KCNH7: variants seen among roughly 807,000 people sequenced by gnomAD.
The protein encoded by KCNH7 is voltage-gated inwardly rectifying potassium channel KCNH7.
Under a neutral mutation model 120.8 loss-of-function variants are expected in KCNH7, and 49 were observed. That is an observed-to-expected ratio of 0.41 (90% CI 0.32 to 0.51). The LOEUF is 0.51. Ranked by LOEUF, KCNH7 falls within the 20% of genes least tolerant of loss-of-function variation. KCNH7 has a pLI of 0.38. For missense variants in KCNH7, 1,097 were observed against 1,446.6 expected, an observed-to-expected ratio of 0.76 and a Z score of 3.92; for synonymous variants, 547 against 516.1, an observed-to-expected ratio of 1.06 and a Z score of -0.81.
At chr2:162,527,438 T>C (rs1270990243) in intron 3 of KCNH7, among the ~76,000 whole-genome samples, 1 of 151,980 alleles carries the variant, frequency 6.6e-6, no homozygotes, top group Non-Finnish European at 1.5e-5. Context: ...AAAAGCCCTC[T>C]TATAAACCAG....
intron 6 of KCNH7, among the ~76,000 whole-genome samples, chr2:162,475,457 C>G (rs1247413848): frequency 1.3e-5 from 2 of 152,164 alleles, no homozygotes; most frequent in Non-Finnish European, 2.9e-5. Context: ...CCAAATTGTC[C>G]CTTGCTCTGG....
chr2:162,610,240 G>A (rs1682921551), intron 2 of KCNH7, among the ~76,000 whole-genome samples: 1 of 152,144 alleles, frequency 6.6e-6, no homozygotes, highest in African/African-American at 2.4e-5. Context: ...TGGAGAATGG[G>A]CAGGCAAGCC....
intron 2 of KCNH7, among the ~76,000 whole-genome samples, chr2:162,734,395 G>T (rs939852723): frequency 1.3e-5 from 2 of 152,014 alleles, no homozygotes; most frequent in African/African-American, 4.8e-5. Context: ...TTTTTAATGA[G>T]AAATTATAGT....
intron 6 of KCNH7, among the ~76,000 whole-genome samples, chr2:162,504,079 T>A (rs1167811033): frequency 6.6e-6 from 1 of 151,952 alleles, no homozygotes; most frequent in Non-Finnish European, 1.5e-5. Context: ...TGCTAATTAG[T>A]CCCCTAAAGC....
At chr2:162,789,779 A>T (rs1352522772) in intron 2 of KCNH7, among the ~76,000 whole-genome samples, 3 of 152,040 alleles carry the variant, frequency 2.0e-5, no homozygotes, top group Non-Finnish European at 4.4e-5. Context: ...AGAAGAAAGC[A>T]AAAGAGAAAA....
chr2:162,372,785 A>G (rs1686004474), intron 15 of KCNH7, among the ~76,000 whole-genome samples: 1 of 152,172 alleles, frequency 6.6e-6, no homozygotes, highest in Admixed American at 6.6e-5. Context: ...TTAACTAATT[A>G]AGACTAATTC....
chr2:162,819,848 C>T (rs145629823), intron 2 of KCNH7, among the ~76,000 whole-genome samples: 244 of 152,076 alleles, frequency 1.6e-3, no homozygotes, highest in Non-Finnish European at 3.1e-3. Context: ...CGAATGAAAG[C>T]CTATTTGCTG....
chr2:162,775,210 T>A (rs972675234), intron 2 of KCNH7, among the ~76,000 whole-genome samples: 11 of 152,120 alleles, frequency 7.2e-5, no homozygotes, highest in Non-Finnish European at 1.6e-4. Context: ...TAAAAAAAAA[T>A]TATCTGATTG....
intron 2 of KCNH7, among the ~76,000 whole-genome samples, chr2:162,579,514 A>G (rs1693803525): frequency 6.6e-6 from 1 of 151,928 alleles, no homozygotes; most frequent in Admixed American, 6.6e-5. Flanking sequence ...TAGGTTGGAG[A>G]CTCGTTAACC....
intron 6 of KCNH7, among the ~76,000 whole-genome samples, chr2:162,485,251 T>A (rs548820314): frequency 2.0e-5 from 3 of 152,170 alleles, no homozygotes; most frequent in Non-Finnish European, 4.4e-5. Flanking sequence ...GGAATCTACA[T>A]GAGAAACATA....
chr2:162,493,914 A>T (rs1690409017), intron 6 of KCNH7, among the ~76,000 whole-genome samples: 1 of 152,198 alleles, frequency 6.6e-6, no homozygotes, highest in African/African-American at 2.4e-5. Flanking sequence ...CTTGCAAAAG[A>T]AATTCTGTGT....
chr2:162,807,540 T>C (rs1684593526), intron 2 of KCNH7, among the ~76,000 whole-genome samples: 1 of 152,138 alleles, frequency 6.6e-6, no homozygotes, highest in Admixed American at 6.5e-5. Context: ...TTGTGGCTTT[T>C]TTGTATTTGA....
chr2:162,591,943 C>T (rs1288216862), intron 2 of KCNH7, among the ~76,000 whole-genome samples: 1 of 152,000 alleles, frequency 6.6e-6, no homozygotes, highest in African/African-American at 2.4e-5. Context: ...CAGTTAGTAA[C>T]TTTCTGAGAA....
At chr2:162,486,185 C>T (rs943902813) in intron 6 of KCNH7, among the ~76,000 whole-genome samples, 2 of 152,116 alleles carry the variant, frequency 1.3e-5, no homozygotes, top group Admixed American at 6.6e-5. Flanking sequence ...ACACCATAGG[C>T]CACTTCACCT....
intron 2 of KCNH7, among the ~76,000 whole-genome samples, chr2:162,570,410 G>A (rs1693426168): frequency 6.6e-6 from 1 of 151,312 alleles, no homozygotes. Context: ...CTTTTATTTT[G>A]AGCCTATGTG....
intron 2 of KCNH7, among the ~76,000 whole-genome samples, chr2:162,690,412 AG>A (rs1389597017): frequency 6.6e-6 from 1 of 152,152 alleles, no homozygotes; most frequent in Middle Eastern, 3.2e-3. Flanking sequence ...AGTGCCTTTC[AG>A]GGCCATATTG....
At chr2:162,526,508 G>C (rs1182525137) in intron 3 of KCNH7, among the ~76,000 whole-genome samples, 1 of 151,886 alleles carries the variant, frequency 6.6e-6, no homozygotes, top group Non-Finnish European at 1.5e-5. Flanking sequence ...AGCCATTTCA[G>C]AGGCCTACAC....
intron 12 of KCNH7, among the ~76,000 whole-genome samples, chr2:162,388,359 AAC>A (rs112497083): frequency 2.9e-4 from 43 of 148,732 alleles, no homozygotes; most frequent in South Asian, 6.4e-4. Flanking sequence ...TCCCCACATA[AAC>A]ACACACACAC....
intron 2 of KCNH7, among the ~76,000 whole-genome samples, chr2:162,716,288 A>G (rs1396468243): frequency 6.6e-6 from 1 of 152,130 alleles, no homozygotes; most frequent in South Asian, 2.1e-4. Flanking sequence ...CCACCTAAAA[A>G]TTAATGTTCT....
Sources: gnomAD v4.1 joint callset for allele counts (sites outside exome capture counted in the v4.1 genomes callset) on GRCh38, gnomAD v4.1.1 for gene constraint, MANE v1.5 for transcripts, NCBI Gene and HGNC (gene_info 2026-07-23, HGNC 2026-07-21) for gene names.